The following SEC31B variants were observed in gnomAD, a reference collection of about 807,000 sequenced individuals.
SEC31B encodes SEC31 homolog B, COPII component.
SEC31B carries 113 observed loss-of-function variants against 135.0 expected under a neutral mutation model. The ratio of observed to expected loss-of-function variants is 0.84; its 90% CI spans 0.72 to 0.98. The LOEUF is 0.98. Ranked by LOEUF, SEC31B falls within the 50% of genes least tolerant of loss-of-function variation. SEC31B has a pLI of 0.00. For missense variants in SEC31B, 1,296 were observed against 1,421.1 expected, an observed-to-expected ratio of 0.91 and a Z score of 1.42; for synonymous variants, 508 against 549.4, an observed-to-expected ratio of 0.92 and a Z score of 1.05.
Position 100,499,160 on chromosome 10 carries a change from C to T in SEC31B, c.1584G>A (p.Gln528=), listed in dbSNP as rs1454735765. The T allele has an allele frequency of 1.9e-6, 3 of 1,613,670 alleles. No individual in the cohort carries two copies. The highest frequency in any genetic ancestry group is 1.3e-5 in the African/African-American group (1 of 74,920). Residue 528 remains glutamine, a splice_region_variant and synonymous_variant, in exon 13 of 26, where the codon CAG becomes CAA. Coordinates refer to ENST00000370345, the MANE Select transcript of SEC31B (RefSeq NM_015490.4). ...CAGGCTGACTGGACTCCTACCACACCTGGCTGCAGAAGGCCTGTTGTCTGT... is the reference window on the plus strand; with the variant it reads ...CAGGCTGACTGGACTCCTACCACACTTGGCTGCAGAAGGCCTGTTGTCTGT... ...NSDRQQAFCS[Q]ASKHTTKEAS... is the part of the protein sequence containing the mutation.
intron 19 of SEC31B, chr10:100,495,171 G>A (rs1851381913): frequency 1.8e-6 from 1 of 555,876 alleles, no homozygotes; most frequent in Non-Finnish European, 3.2e-6. Context: ...TACACTATGA[G>A]CTACTTGAGG....
At chr10:100,517,569 C>A (rs1336018370) in intron 1 of SEC31B, among the ~76,000 whole-genome samples, 1 of 152,158 alleles carries the variant, frequency 6.6e-6, no homozygotes, top group Admixed American at 6.5e-5. Context: ...ACCGTGTTGG[C>A]CAGGCTGGTC....
At position 100,509,350 on chromosome 10, in the gene SEC31B, C is replaced by T. The variant is rs759382222; in HGVS notation, c.365G>A (p.Gly122Glu). The part of the protein sequence containing the change: ...PVIAQKQKHT[G>E]AVRALDLNPF... Reference sequence around the variant, plus strand: ...ATTCAAGTCGAGGGCTCTGACAGCCCCCGTGTGCTTCTGTTTCTGAGCAAT... The same window carrying T: ...ATTCAAGTCGAGGGCTCTGACAGCCTCCGTGTGCTTCTGTTTCTGAGCAAT... The change falls in exon 4 of 26, where the codon GGG (glycine) becomes GAG (glutamate). Residue 122 changes from glycine to glutamate, a missense_variant. Physicochemically the swap from Gly to Glu is moderately conservative, Grantham distance 98 (BLOSUM62 -2). Transcript: ENST00000370345. 1.2e-6 allele frequency: 2 copies of T among 1,613,912 alleles called. No individual in the cohort carries two copies. Among genetic ancestry groups the T allele is most frequent in the Non-Finnish European group, 1.7e-6 (2 of 1,179,992 alleles).
chr10:100,506,478 G>T, intron 7 of SEC31B, 58 bp from the exon 8 acceptor site: 1 of 1,445,110 alleles, frequency 6.9e-7, no homozygotes. Context: ...TGAGTAGGGT[G>T]CCTTATATGT....
intron 24 of SEC31B, among the ~76,000 whole-genome samples, chr10:100,488,516 A>C (rs1279889196): frequency 6.6e-6 from 1 of 151,740 alleles, no homozygotes; most frequent in Non-Finnish European, 1.5e-5. Context: ...TTCATTTCAC[A>C]GAGGAGGGAA....
intron 16 of SEC31B, 26 bp downstream of exon 16, chr10:100,497,641 A>G (rs771048070): frequency 3.8e-5 from 61 of 1,613,856 alleles, no homozygotes; most frequent in Non-Finnish European, 4.8e-5. Flanking sequence ...ACACCATTTC[A>G]TCCTGAAGCC....
chr10:100,497,889 G>A (rs1364657355), intron 15 of SEC31B, 96 bp from the exon 16 acceptor site: 2 of 1,597,820 alleles, frequency 1.3e-6, no homozygotes, highest in African/African-American at 1.3e-5. Flanking sequence ...ACTGAGTAGG[G>A]GCAAGGGATG....
intron 1 of SEC31B, among the ~76,000 whole-genome samples, chr10:100,517,289 A>T (rs1851868359): frequency 2.0e-5 from 3 of 152,212 alleles, no homozygotes; most frequent in Admixed American, 1.3e-4. Context: ...TTTAAATAGC[A>T]CCCATATGCT....
At chr10:100,493,190 G>T (rs573908175) in intron 19 of SEC31B, among the ~76,000 whole-genome samples, 34 of 152,186 alleles carry the variant, frequency 2.2e-4, no homozygotes, top group African/African-American at 7.9e-4. Flanking sequence ...TGGCTAACAT[G>T]GTGAAACCCC....
intron 12 of SEC31B, 21 bp downstream of exon 12, chr10:100,499,503 C>G: frequency 6.3e-7 from 1 of 1,575,602 alleles, no homozygotes; most frequent in Non-Finnish European, 8.7e-7. Context: ...GTACATGTTT[C>G]TGATGTGAAA....
chr10:100,493,031 C>T lies in SEC31B; in HGVS notation c.2473-2148G>A, dbSNP rs578199044. Among the ~76,000 whole-genome samples the T allele has an allele frequency of 3.3e-5, 5 of 152,216 alleles. No individual in the cohort carries two copies. The South Asian group carries it at 1.0e-3, about 32-fold the overall frequency. ...TCATAGCAGCTTTACTCATAATACCCCAAATTGGAAACTATCCGAATGTCC... is the reference window on the plus strand; with the variant it reads ...TCATAGCAGCTTTACTCATAATACCTCAAATTGGAAACTATCCGAATGTCC... On this transcript the variant is annotated intron_variant, in intron 19 of 25. Transcript: ENST00000370345.
intron 11 of SEC31B, 79 bp downstream of exon 11, chr10:100,502,175 C>CT: frequency 9.1e-7 from 1 of 1,101,656 alleles, no homozygotes; most frequent in Middle Eastern, 2.9e-4. Flanking sequence ...TGTGCTTGTG[C>CT]TTCTCCTGCA....
intron 5 of SEC31B, chr10:100,508,365 G>A: frequency 1.9e-6 from 1 of 523,214 alleles, no homozygotes; most frequent in South Asian, 1.6e-5. Flanking sequence ...GAAGGAGGAA[G>A]ATGAGGGAGG....
intron 14 of SEC31B, chr10:100,498,428 A>G (rs1665861022): frequency 1.6e-6 from 1 of 610,244 alleles, no homozygotes; most frequent in Non-Finnish European, 2.9e-6. Context: ...GCAGTAGCAC[A>G]GTGTGAGGTG....
chr10:100,488,025 A>C lies in SEC31B; in HGVS notation c.3360+2T>G. 1 of 1,612,756 alleles carries C rather than the reference A, an allele frequency of 6.2e-7. No individual in the cohort carries two copies. The highest frequency in any genetic ancestry group is 8.5e-7 in the Non-Finnish European group (1 of 1,178,772). On this transcript the variant is annotated splice_donor_variant, in intron 25 of 25. Transcript: ENST00000370345. LOFTEE classifies it high-confidence loss of function. ...AGTGGGAGCACAGCTAGCTGTACTTACTGTCCCCTCACAGAGCTTCTCATA... is the reference window on the plus strand; with the variant it reads ...AGTGGGAGCACAGCTAGCTGTACTTCCTGTCCCCTCACAGAGCTTCTCATA...
chr10:100,515,390 C>T (rs1215895302), intron 3 of SEC31B, among the ~76,000 whole-genome samples: 1 of 152,100 alleles, frequency 6.6e-6, no homozygotes, highest in Non-Finnish European at 1.5e-5. Context: ...ATGATATAAA[C>T]ATTTGGAGAC....
chr10:100,496,514 C>T (rs1851412737), intron 17 of SEC31B, 83 bp from the exon 18 acceptor site: 2 of 1,446,048 alleles, frequency 1.4e-6, no homozygotes, highest in Admixed American at 1.8e-5. Context: ...TCAGGGATCT[C>T]CCACTATGGG....
chr10:100,489,396 CA>C lies in SEC31B; in HGVS notation c.3026del (p.Leu1009ArgfsTer16). On this transcript the variant is annotated frameshift_variant and splice_region_variant, in exon 23 of 26. Coordinates refer to ENST00000370345, the MANE Select transcript of SEC31B (RefSeq NM_015490.4). LOFTEE classifies it high-confidence loss of function. ...GTGCTGGGGGCATAAATGTCTCTGG[CA>C]GCTAAAGAGACAGAAGGAAAGACAT... is the stretch of plus-strand genomic sequence containing the variant. ...APRGNLQRNK[L>X]PETFMPPAPI... 6.2e-7 allele frequency: 1 copy of C among 1,613,468 alleles called. No individual in the cohort carries two copies. The highest frequency in any genetic ancestry group is 8.5e-7 in the Non-Finnish European group (1 of 1,179,900).
At chr10:100,509,565 A>G in intron 3 of SEC31B, 54 bp from the exon 4 acceptor site, 1 of 1,417,878 alleles carries the variant, frequency 7.1e-7, no homozygotes, top group Non-Finnish European at 9.6e-7. Context: ...GTCAGTAAGC[A>G]CAGGATGGGC....
Sources: gnomAD v4.1 joint callset for allele counts (sites outside exome capture counted in the v4.1 genomes callset) on GRCh38, gnomAD v4.1.1 for gene constraint, MANE v1.5 for transcripts, NCBI Gene and HGNC (gene_info 2026-07-23, HGNC 2026-07-21) for gene names.